SETD4: variants seen among roughly 807,000 people sequenced by gnomAD.
SETD4 encodes SET domain containing 4.
SETD4 carries 46 observed loss-of-function variants against 58.3 expected under a neutral mutation model. The ratio of observed to expected loss-of-function variants is 0.79; its 90% CI spans 0.62 to 1.01. SETD4 has a LOEUF of 1.01. Ranked by LOEUF, SETD4 falls within the 50% of genes least tolerant of loss-of-function variation. The pLI, the probability that SETD4 is intolerant of heterozygous loss-of-function variation, is 0.00. For missense variants in SETD4, 490 were observed against 523.3 expected, an observed-to-expected ratio of 0.94 and a Z score of 0.62; for synonymous variants, 190 against 202.6, an observed-to-expected ratio of 0.94 and a Z score of 0.53.
At chr21:36,051,155 C>G in intron 4 of SETD4, 1 of 1,558,648 alleles carries the variant, frequency 6.4e-7, no homozygotes. Flanking sequence ...GCCAGCTCAC[C>G]CAGCGTATGT....
intron 6 of SETD4, 110 bp downstream of exon 6, chr21:36,045,472 A>G (rs1429139597): frequency 3.6e-6 from 5 of 1,378,490 alleles, no homozygotes; most frequent in Non-Finnish European, 5.0e-6. Flanking sequence ...GGTCACCTGA[A>G]GCCGCCGACA....
At chr21:36,051,150 C>G in intron 4 of SETD4, 4 of 1,538,432 alleles carry the variant, frequency 2.6e-6, no homozygotes, top group Non-Finnish European at 3.6e-6. Flanking sequence ...CTCTGGCCAG[C>G]TCACCCAGCG....
At chr21:36,047,963 G>C (rs1481511601) in intron 5 of SETD4, among the ~76,000 whole-genome samples, 1 of 150,928 alleles carries the variant, frequency 6.6e-6, no homozygotes, top group Admixed American at 6.6e-5. Context: ...CCAAGATCAC[G>C]ACATTGCACT....
chr21:36,036,608 T>A (rs1447635031), intron 10 of SETD4: 1 of 970,882 alleles, frequency 1.0e-6, no homozygotes, highest in Admixed American at 6.2e-5. Flanking sequence ...TCAAGCTTCA[T>A]TAAAATCACT....
chr21:36,054,596 G>A lies in SETD4; in HGVS notation c.170-976C>T, dbSNP rs2064886487. 4.6e-5 allele frequency among the ~76,000 whole-genome samples: 7 copies of A among 152,002 alleles called. No individual in the cohort carries two copies. The South Asian group carries it at 1.5e-3, about 32-fold the overall frequency. The stretch of plus-strand genomic sequence containing the variant: ...GGATTTGATGCTCCCGGCTCATGGT[G>A]GGAATTCCTGCCTCAAGTCCTCCAT... On this transcript the variant is annotated intron_variant, in intron 3 of 11. Transcript: ENST00000332131.
rs2064458235 is a variant in SETD4 at position 36,048,378 on chromosome 21, A to G, written c.226T>C (p.Ser76Pro). ...GTGAGCAGGCAACTCTCAGGCAACG[A>G]AATAATCATCTGTCCCTCCTGGCCA... ...TSLQEGQMIISLPESCLLTTD... is the reference protein window; with the variant it reads ...TSLQEGQMIIPLPESCLLTTD... Residue 76 changes from serine to proline, a missense_variant, in exon 5 of 12, where the codon TCG becomes CCG. Physicochemically the swap from Ser to Pro is moderately conservative, Grantham distance 74 (BLOSUM62 -1). Coordinates refer to ENST00000332131, the MANE Select transcript of SETD4 (RefSeq NM_017438.5). The G allele has an allele frequency of 6.2e-7, 1 of 1,614,116 alleles. No individual in the cohort carries two copies. Among genetic ancestry groups the G allele is most frequent in the Non-Finnish European group, 8.5e-7 (1 of 1,180,018 alleles).
chr21:36,051,008 C>T (rs1833077583), intron 4 of SETD4: 1 of 1,576,784 alleles, frequency 6.3e-7, no homozygotes, highest in Non-Finnish European at 8.7e-7. Flanking sequence ...GTGGCGTTGA[C>T]CTGTTGATGA....
At chr21:36,051,195 G>T in intron 4 of SETD4, 1 of 1,604,644 alleles carries the variant, frequency 6.2e-7, no homozygotes, top group South Asian at 1.1e-5. Flanking sequence ...CACTGCCAGT[G>T]AGACTAGTGA....
intron 9 of SETD4, among the ~76,000 whole-genome samples, chr21:36,038,679 ACCGTCTGT>A (rs987867329): frequency 8.5e-5 from 13 of 152,190 alleles, no homozygotes; most frequent in Non-Finnish European, 1.8e-4. Context: ...CCTTCAAGTG[ACCGTCTGT>A]CCAAAATAGT....
chr21:36,057,481 A>G (rs908288038), intron 2 of SETD4: 2 of 165,474 alleles, frequency 1.2e-5, no homozygotes, highest in African/African-American at 5.0e-5. Flanking sequence ...CCCATCTCTT[A>G]AAAAAAAAAA....
intron 4 of SETD4, among the ~76,000 whole-genome samples, chr21:36,051,727 G>C (rs1379018754): frequency 5.9e-5 from 9 of 151,870 alleles, no homozygotes; most frequent in Non-Finnish European, 1.3e-4. Context: ...AAATGGTTTT[G>C]CTACAAATAT....
intron 4 of SETD4, chr21:36,050,529 C>T (rs2064614042): frequency 1.1e-5 from 17 of 1,613,616 alleles, no homozygotes; most frequent in South Asian, 7.7e-5. Flanking sequence ...GTTAATGAAC[C>T]GACTTCAAGC....
intron 4 of SETD4, among the ~76,000 whole-genome samples, chr21:36,049,778 CAA>C (rs1178458361): frequency 6.6e-6 from 1 of 152,144 alleles, no homozygotes; most frequent in East Asian, 1.9e-4. Flanking sequence ...TCTCAATTTT[CAA>C]AAACTTTTGA....
At chr21:36,052,266 G>T (rs1001968834) in intron 4 of SETD4, among the ~76,000 whole-genome samples, 1 of 151,734 alleles carries the variant, frequency 6.6e-6, no homozygotes, top group African/African-American at 2.4e-5. Flanking sequence ...TTACTTTTGG[G>T]CCAGGCATAG....
At chr21:36,052,580 G>A (rs571033904) in intron 4 of SETD4, among the ~76,000 whole-genome samples, 4 of 144,828 alleles carry the variant, frequency 2.8e-5, no homozygotes, top group East Asian at 2.0e-4. Flanking sequence ...AAAAAAGGAC[G>A]TTTTATCTAC....
chr21:36,039,697 G>T (rs1360714640), intron 9 of SETD4, among the ~76,000 whole-genome samples: 2 of 152,184 alleles, frequency 1.3e-5, no homozygotes, highest in Non-Finnish European at 2.9e-5. Context: ...ATCGGTTAAA[G>T]AATTCATAGT....
In SETD4 at chr21:36,048,376, C is replaced by T. The variant is rs532597168; in HGVS notation, c.228G>A (p.Ser76=). 32 of 1,613,934 alleles carry T rather than the reference C, an allele frequency of 2.0e-5. No homozygotes were observed. The highest frequency in any genetic ancestry group is 3.3e-5 in the Admixed American group (2 of 59,992). Residue 76 remains serine (S), a synonymous_variant, in exon 5 of 12, where the codon TCG becomes TCA. Coordinates refer to ENST00000332131, the MANE Select transcript of SETD4 (RefSeq NM_017438.5). ...TGGTGAGCAGGCAACTCTCAGGCAA[C>T]GAAATAATCATCTGTCCCTCCTGGC... The part of the protein sequence containing the change: ...TSLQEGQMII[S]LPESCLLTTD...
In SETD4 at chr21:36,043,867, G is replaced by A. The variant is rs540196448; in HGVS notation, c.816C>T (p.Tyr272=). ...WRKHEEVFIC[Y]GPHDNQRLFL... ...ACAGCCGTTGATTATCGTGAGGGCCGTAACAGATGAATACCTCTTCATGCT... is the reference window on the plus strand; with the variant it reads ...ACAGCCGTTGATTATCGTGAGGGCCATAACAGATGAATACCTCTTCATGCT... The change falls in exon 7 of 12, where the codon TAC becomes TAT. Residue 272 remains tyrosine (Y), a synonymous_variant. Transcript: ENST00000332131. 2.6e-5 allele frequency: 42 copies of A among 1,614,072 alleles called. No individual in the cohort carries two copies. The highest frequency in any genetic ancestry group is 5.0e-5 in the Admixed American group (3 of 60,000).
chr21:36,053,746 C>G, intron 3 of SETD4, 126 bp from the exon 4 acceptor site: 1 of 900,534 alleles, frequency 1.1e-6, no homozygotes, highest in South Asian at 1.5e-5. Context: ...TGTCTCTCAG[C>G]CTTTGATTCC....
Sources: allele counts gnomAD v4.1 joint callset (sites outside exome capture counted in the v4.1 genomes callset), GRCh38; gene constraint gnomAD v4.1.1; transcripts MANE v1.5; gene names NCBI Gene and HGNC (gene_info 2026-07-23, HGNC 2026-07-21).